Variants in FCHSD2 observed in about 807,000 individuals in gnomAD.
FCHSD2 encodes FCH and double SH3 domains 2.
Under a neutral mutation model 108.1 loss-of-function variants are expected in FCHSD2, and 38 were observed. The ratio of observed to expected loss-of-function variants is 0.35; its 90% CI spans 0.27 to 0.46. The LOEUF (loss-of-function observed/expected upper bound fraction) is 0.46, where lower values mean the gene tolerates loss of function less well. FCHSD2 is among the 20% of genes least tolerant of loss of function. The pLI, the probability that FCHSD2 is intolerant of heterozygous loss-of-function variation, is 1.00. For synonymous variants in FCHSD2, 279 were observed against 314.7 expected, an observed-to-expected ratio of 0.89 and a Z score of 1.20; for missense variants, 751 against 897.8, an observed-to-expected ratio of 0.84 and a Z score of 2.09.
intron 3 of FCHSD2, among the ~76,000 whole-genome samples, chr11:73,078,714 G>A (rs1479158450): frequency 1.3e-5 from 2 of 151,944 alleles, no homozygotes; most frequent in African/African-American, 4.8e-5. Flanking sequence ...TGTTCTTGGG[G>A]GATAGGGGAT....
At chr11:73,057,620 A>T (rs1859057622) in intron 3 of FCHSD2, among the ~76,000 whole-genome samples, 1 of 152,308 alleles carries the variant, frequency 6.6e-6, no homozygotes, top group South Asian at 2.1e-4. Context: ...GGACTATTCC[A>T]TTAGGCTCCA....
At chr11:72,890,485 C>T (rs1855291934) in intron 10 of FCHSD2, among the ~76,000 whole-genome samples, 3 of 152,144 alleles carry the variant, frequency 2.0e-5, no homozygotes, top group Admixed American at 1.3e-4. Context: ...CCTCAAAAGC[C>T]AGCTTTTGCT....
intron 3 of FCHSD2, among the ~76,000 whole-genome samples, chr11:73,068,814 A>T (rs1465191661): frequency 2.1e-5 from 1 of 46,944 alleles, no homozygotes; most frequent in Non-Finnish European, 5.6e-5. Flanking sequence ...TACAAAAAGT[A>T]AAAAAAAAAA....
At chr11:72,858,311 T>G (rs776071233) in intron 13 of FCHSD2, among the ~76,000 whole-genome samples, 4 of 152,250 alleles carry the variant, frequency 2.6e-5, no homozygotes, top group Non-Finnish European at 5.9e-5. Context: ...TAAAGACACA[T>G]GCACATGCAT....
intron 3 of FCHSD2, among the ~76,000 whole-genome samples, chr11:73,050,189 C>T (rs1342268805): frequency 6.6e-6 from 1 of 152,106 alleles, no homozygotes; most frequent in African/African-American, 2.4e-5. Context: ...TAGGTATGTC[C>T]GTGGTCTAAC....
At chr11:72,846,427 G>A (rs898280256) in intron 14 of FCHSD2, among the ~76,000 whole-genome samples, 5 of 152,034 alleles carry the variant, frequency 3.3e-5, no homozygotes, top group Admixed American at 1.3e-4. Context: ...CGATTCGCCC[G>A]CCTTGGCCCC....
rs535814433 is a variant in FCHSD2 at position 72,975,627 on chromosome 11, TATAA to T, written c.705+8457_705+8460del. Reference sequence around the variant, plus strand: ...ATGCATCAAAATATCACACATACACTATAAATATATAGTTATTATGTATCAATTT... The same window carrying T: ...ATGCATCAAAATATCACACATACACTATATATAGTTATTATGTATCAATTT... On this transcript the variant is annotated intron_variant, in intron 8 of 19. Coordinates refer to ENST00000409418, the MANE Select transcript of FCHSD2 (RefSeq NM_014824.3). Among the ~76,000 whole-genome samples, 67 of 152,242 alleles carry T rather than the reference TATAA, an allele frequency of 4.4e-4. No homozygotes were observed. The East Asian group carries it at 0.012, about 27-fold the overall frequency.
chr11:73,125,270 C>T (rs571276243), intron 2 of FCHSD2, among the ~76,000 whole-genome samples: 1 of 152,314 alleles, frequency 6.6e-6, no homozygotes, highest in East Asian at 1.9e-4. Flanking sequence ...TAAAAGATAC[C>T]TGTTTAAAGA....
At chr11:73,070,262 C>A (rs1859401498) in intron 3 of FCHSD2, among the ~76,000 whole-genome samples, 1 of 152,176 alleles carries the variant, frequency 6.6e-6, no homozygotes, top group African/African-American at 2.4e-5. Context: ...TCTTATATGG[C>A]ATAGGCCCTG....
intron 8 of FCHSD2, among the ~76,000 whole-genome samples, chr11:72,980,814 A>G (rs973437574): frequency 6.6e-6 from 1 of 151,868 alleles, no homozygotes; most frequent in Non-Finnish European, 1.5e-5. Flanking sequence ...CTTTGAGGAT[A>G]AGTAGTATGT....
At chr11:73,107,123 G>T (rs974998262) in intron 2 of FCHSD2, among the ~76,000 whole-genome samples, 1 of 152,014 alleles carries the variant, frequency 6.6e-6, no homozygotes, top group Non-Finnish European at 1.5e-5. Context: ...TGCAACCTCC[G>T]CCTCCTGGGT....
chr11:73,054,004 G>C (rs889035329), intron 3 of FCHSD2, among the ~76,000 whole-genome samples: 3 of 152,116 alleles, frequency 2.0e-5, no homozygotes, highest in African/African-American at 4.8e-5. Flanking sequence ...AAGGGAAAAG[G>C]GGGGAAGAGT....
chr11:72,938,183 T>C (rs184254412), intron 8 of FCHSD2, among the ~76,000 whole-genome samples: 2 of 77,648 alleles, frequency 2.6e-5, no homozygotes, highest in Non-Finnish European at 7.2e-5. Flanking sequence ...GGAGTTTTTT[T>C]TTTTTTTTTT....
At chr11:73,039,782 A>G (rs1858589296) in intron 3 of FCHSD2, among the ~76,000 whole-genome samples, 1 of 152,172 alleles carries the variant, frequency 6.6e-6, no homozygotes, top group Non-Finnish European at 1.5e-5. Context: ...TTTTTTGATG[A>G]CTTTAAGTGT....
chr11:72,961,123 A>G (rs1333647488), intron 8 of FCHSD2, among the ~76,000 whole-genome samples: 2 of 152,268 alleles, frequency 1.3e-5, no homozygotes, highest in East Asian at 3.9e-4. Flanking sequence ...ATTCTTTAAT[A>G]TTCAGTTTTA....
intron 3 of FCHSD2, among the ~76,000 whole-genome samples, chr11:73,069,717 T>A (rs1197325226): frequency 6.6e-6 from 1 of 152,072 alleles, no homozygotes; most frequent in Non-Finnish European, 1.5e-5. Flanking sequence ...TAGATACAAA[T>A]AATGTTGAAG....
chr11:73,030,699 C>G (rs1858338813), intron 3 of FCHSD2, among the ~76,000 whole-genome samples: 1 of 152,106 alleles, frequency 6.6e-6, no homozygotes, highest in Admixed American at 6.5e-5. Context: ...TTAAAAAATA[C>G]TGTATATATT....
Position 72,841,504 on chromosome 11 carries a change from C to G in FCHSD2, c.2006G>C (p.Ser669Thr), listed in dbSNP as rs1860945025. The G allele has an allele frequency of 6.2e-7, 1 of 1,611,016 alleles. No individual in the cohort carries two copies. Among genetic ancestry groups the G allele is most frequent in the African/African-American group, 1.3e-5 (1 of 74,796 alleles). The change falls in exon 18 of 20, where the codon AGC becomes ACC. Residue 669 changes from serine to threonine, a missense_variant. By Grantham distance (58) the Ser-to-Thr change is moderately conservative (BLOSUM62 1). Transcript: ENST00000409418. ...YDQPPSSPYP[S>T]PDKRSSLYFP... is the part of the protein sequence containing the mutation. The stretch of plus-strand genomic sequence containing the variant: ...GTACAGGGAGCTCCTCTTATCTGGG[C>G]TGGGGTAGGGGCTGCTGGGAGGCTG...
intron 2 of FCHSD2, among the ~76,000 whole-genome samples, chr11:73,107,964 T>G (rs1377597843): frequency 6.6e-6 from 1 of 152,248 alleles, no homozygotes; most frequent in East Asian, 1.9e-4. Context: ...ATGGCAAGTG[T>G]ATCTTTAGTT....
Sources: gnomAD v4.1 joint callset for allele counts (sites outside exome capture counted in the v4.1 genomes callset) on GRCh38, gnomAD v4.1.1 for gene constraint, MANE v1.5 for transcripts, NCBI Gene and HGNC (gene_info 2026-07-23, HGNC 2026-07-21) for gene names.